Variants in TBC1D12 observed in about 807,000 individuals in gnomAD.
TBC1D12 encodes the protein TBC1 domain family member 12.
TBC1D12 carries 56 observed loss-of-function variants against 86.7 expected under a neutral mutation model. The ratio of observed to expected loss-of-function variants is 0.65; its 90% CI spans 0.52 to 0.81. The LOEUF (loss-of-function observed/expected upper bound fraction) is 0.81, where lower values mean the gene tolerates loss of function less well. Ranked by LOEUF, TBC1D12 falls within the 30% of genes least tolerant of loss-of-function variation. TBC1D12 has a pLI of 0.00. For missense variants in TBC1D12, 1,023 were observed against 1,038.8 expected (o/e 0.98, Z 0.21); for synonymous variants, 421 against 411.7 (o/e 1.02, Z -0.27).
intron 2 of TBC1D12, among the ~76,000 whole-genome samples, chr10:94,464,976 A>C (rs1367999470): frequency 6.6e-6 from 1 of 152,234 alleles, no homozygotes; most frequent in Non-Finnish European, 1.5e-5. Flanking sequence ...ATTTAAGTAC[A>C]TGAAGAAAAT....
intron 2 of TBC1D12, among the ~76,000 whole-genome samples, chr10:94,471,603 C>G (rs537077684): frequency 4.7e-4 from 71 of 152,268 alleles, no homozygotes; most frequent in Admixed American, 2.2e-3. Flanking sequence ...TCTTTTAATT[C>G]TTTCTGCCTA....
intron 2 of TBC1D12, among the ~76,000 whole-genome samples, chr10:94,473,644 T>C (rs950073578): frequency 2.0e-5 from 3 of 152,140 alleles, no homozygotes; most frequent in Non-Finnish European, 4.4e-5. Context: ...TTGAGTAATA[T>C]TTGAGAATGT....
intron 11 of TBC1D12, among the ~76,000 whole-genome samples, chr10:94,528,980 G>A (rs922692141): frequency 1.3e-5 from 2 of 151,914 alleles, no homozygotes; most frequent in African/African-American, 4.8e-5. Context: ...TTGGTCAAAT[G>A]TGTCTTCTCA....
intron 11 of TBC1D12, among the ~76,000 whole-genome samples, chr10:94,529,828 G>T (rs964350824): frequency 6.6e-6 from 1 of 152,166 alleles, no homozygotes; most frequent in Non-Finnish European, 1.5e-5. Flanking sequence ...GATCACAATT[G>T]ATGTGGGGGA....
rs375599406 is a variant in TBC1D12, at chr10:94,428,066, G to C, written c.972-13830G>C. On this transcript the variant is annotated intron_variant, in intron 1 of 12. Transcript: ENST00000225235. ...GAAAAGATTAGGGATTAGTTGTGAA[G>C]CTCTTACATCTTGATTGTTGTATGG... Among the ~76,000 whole-genome samples, 5 of 151,992 alleles carry C rather than the reference G, an allele frequency of 3.3e-5. No individual in the cohort carries two copies. In the East Asian group the frequency reaches 5.8e-4, roughly 18 times the overall value.
Position 94,430,586 on chromosome 10 carries a change from A to G in TBC1D12, c.972-11310A>G, listed in dbSNP as rs191845459. 3.3e-5 allele frequency among the ~76,000 whole-genome samples: 5 copies of G among 152,332 alleles called. No homozygotes were observed. The East Asian group carries it at 7.7e-4, about 23-fold the overall frequency. ...GCAAATGGTCTGACTCTTAGGTCCT[A>G]TGTAGCTTTTTTTGTGTGTGATAAA... On this transcript the variant is annotated intron_variant, in intron 1 of 12. Transcript: ENST00000225235.
At chr10:94,404,673 G>A (rs992599069) in intron 1 of TBC1D12, among the ~76,000 whole-genome samples, 1 of 150,782 alleles carries the variant, frequency 6.6e-6, no homozygotes, top group Non-Finnish European at 1.5e-5. Flanking sequence ...AGAAAAGAAA[G>A]AAATTAAATT....
chr10:94,524,809 C>T (rs1353441509), intron 11 of TBC1D12, among the ~76,000 whole-genome samples: 1 of 144,686 alleles, frequency 6.9e-6, no homozygotes, highest in Non-Finnish European at 1.5e-5. Flanking sequence ...TTTATTTTTT[C>T]GTTCATTAAA....
At chr10:94,515,154 G>A (rs1295195861) in intron 9 of TBC1D12, among the ~76,000 whole-genome samples, 3 of 151,170 alleles carry the variant, frequency 2.0e-5, no homozygotes, top group Non-Finnish European at 2.9e-5. Flanking sequence ...TGATCCGCCC[G>A]CCTCGGCCTC....
intron 4 of TBC1D12, among the ~76,000 whole-genome samples, chr10:94,495,861 T>C (rs2056312792): frequency 6.6e-6 from 1 of 152,116 alleles, no homozygotes; most frequent in African/African-American, 2.4e-5. Flanking sequence ...CCCAGCACTT[T>C]GGGAGGCTAA....
intron 1 of TBC1D12, among the ~76,000 whole-genome samples, chr10:94,421,185 G>A (rs534342171): frequency 1.5e-4 from 23 of 151,822 alleles, no homozygotes; most frequent in African/African-American, 5.6e-4. Flanking sequence ...GGTTCCCCCT[G>A]TGACCACCCC....
intron 11 of TBC1D12, among the ~76,000 whole-genome samples, chr10:94,525,706 A>C (rs1842270384): frequency 6.6e-6 from 1 of 151,824 alleles, no homozygotes; most frequent in Non-Finnish European, 1.5e-5. Context: ...TAATTGCAAC[A>C]ATGTAACAAT....
Position 94,461,671 on chromosome 10 carries a change from C to T in TBC1D12, c.1096-12997C>T, listed in dbSNP as rs575628952. Among the ~76,000 whole-genome samples the T allele has an allele frequency of 7.9e-5, 12 of 152,226 alleles. No homozygotes were observed. In the South Asian group the frequency reaches 2.3e-3, roughly 29 times the overall value. ...GAGTTCTAACACTCAGACTTGTCCA[C>T]ACTCAGCCTCTATCAGTTTGTCAAT... On this transcript the variant is annotated intron_variant, in intron 2 of 12. Transcript: ENST00000225235.
intron 2 of TBC1D12, among the ~76,000 whole-genome samples, chr10:94,466,429 T>C (rs2055825722): frequency 6.6e-6 from 1 of 152,096 alleles, no homozygotes; most frequent in South Asian, 2.1e-4. Flanking sequence ...TATATATGTA[T>C]ATATGTATAT....
intron 12 of TBC1D12, among the ~76,000 whole-genome samples, chr10:94,531,862 A>ATATGTTATGT (rs71031585): frequency 0.19 from 15,406 of 83,218 alleles, 2,531 homozygotes; most frequent in African/African-American, 0.29. Context: ...ATTTTATTTT[A>ATATGTTATGT]TATGTTATGT....
At chr10:94,431,434 A>G (rs1014678271) in intron 1 of TBC1D12, among the ~76,000 whole-genome samples, 1 of 151,306 alleles carries the variant, frequency 6.6e-6, no homozygotes, top group Admixed American at 6.6e-5. Context: ...AAGAAAAGAA[A>G]GAAAATAATT....
chr10:94,524,343 T>C (rs1842232498), intron 11 of TBC1D12, among the ~76,000 whole-genome samples: 1 of 152,174 alleles, frequency 6.6e-6, no homozygotes, highest in South Asian at 2.1e-4. Context: ...AGATGCAAAA[T>C]GTGGTTTAGC....
At chr10:94,496,616 A>G (rs2056324783) in intron 4 of TBC1D12, among the ~76,000 whole-genome samples, 2 of 152,184 alleles carry the variant, frequency 1.3e-5, no homozygotes, top group Non-Finnish European at 2.9e-5. Flanking sequence ...GTGTAAATAG[A>G]AATATGTGAT....
At chr10:94,511,805 A>C (rs1470516994) in intron 9 of TBC1D12, 151 bp downstream of exon 9, 1 of 634,672 alleles carries the variant, frequency 1.6e-6, no homozygotes, top group Non-Finnish European at 2.7e-6. Context: ...GAATCTTTCT[A>C]TCTCTTGCCA....
Sources: gnomAD v4.1 joint callset for allele counts (sites outside exome capture counted in the v4.1 genomes callset) on GRCh38, gnomAD v4.1.1 for gene constraint, MANE v1.5 for transcripts, NCBI Gene and HGNC (gene_info 2026-07-23, HGNC 2026-07-21) for gene names.